Variants in AGBL4 observed in about 807,000 individuals in gnomAD.
The protein encoded by AGBL4 is AGBL carboxypeptidase 4.
A neutral mutation model predicts 66.4 loss-of-function variants in AGBL4; 58 were observed. The observed-to-expected ratio is 0.87, with a 90% confidence interval of 0.71 to 1.09. The LOEUF (loss-of-function observed/expected upper bound fraction) is 1.09. Ranked by LOEUF, AGBL4 falls within the 50% of genes least tolerant of loss-of-function variation. The pLI is 0.00. For missense variants in AGBL4, 579 were observed against 631.0 expected (o/e 0.92, Z 0.88); for synonymous variants, 234 against 222.9 (o/e 1.05, Z -0.44).
intron 3 of AGBL4, among the ~76,000 whole-genome samples, chr1:49,544,235 C>G (rs369016428): frequency 1.3e-5 from 2 of 152,318 alleles, no homozygotes; most frequent in African/African-American, 4.8e-5. Flanking sequence ...GGACTGTCAC[C>G]TGCTAGCAAC....
At chr1:49,948,576 T>TAA (rs1213828658) in intron 1 of AGBL4, among the ~76,000 whole-genome samples, 1 of 124,996 alleles carries the variant, frequency 8.0e-6, no homozygotes, top group Admixed American at 9.1e-5. Context: ...TATATATATA[T>TAA]ATATATAGAG....
At chr1:49,969,796 G>T (rs1192932089) in intron 1 of AGBL4, among the ~76,000 whole-genome samples, 1 of 152,130 alleles carries the variant, frequency 6.6e-6, no homozygotes, top group African/African-American at 2.4e-5. Flanking sequence ...TGACTGTCAT[G>T]AATAATGCTT....
At position 48,736,488 on chromosome 1, in the gene AGBL4, C is replaced by G. The variant is rs145843040; in HGVS notation, c.635-73247G>C. The G allele has an allele frequency of 2.5e-6, 4 of 1,579,052 alleles. No homozygotes were observed. The highest frequency in any genetic ancestry group is 3.5e-6 in the Non-Finnish European group (4 of 1,149,692). ...TAAGAACACCAGCACCTGTTTAGTC[C>G]GACAGGAGGGCAGTGGGAGGCTTCT... On this transcript the variant is annotated intron_variant, in intron 6 of 13. Transcript: ENST00000371839. The surrounding 1 kb of genome is among the most constrained non-coding windows in gnomAD (Gnocchi z 4.0).
chr1:49,552,386 C>A (rs1653034516), intron 3 of AGBL4, among the ~76,000 whole-genome samples: 1 of 152,174 alleles, frequency 6.6e-6, no homozygotes, highest in Non-Finnish European at 1.5e-5. Context: ...TGGTGTTTGC[C>A]CCCCTGCTCC....
At chr1:48,779,893 T>A (rs1645250299) in intron 6 of AGBL4, among the ~76,000 whole-genome samples, 1 of 151,988 alleles carries the variant, frequency 6.6e-6, no homozygotes, top group Admixed American at 6.6e-5. Flanking sequence ...TTTGTATTTT[T>A]AGTAGAGACG....
chr1:49,642,697 G>A (rs1323614593), intron 3 of AGBL4, among the ~76,000 whole-genome samples: 2 of 151,820 alleles, frequency 1.3e-5, no homozygotes, highest in African/African-American at 4.8e-5. Flanking sequence ...AATTCACAGG[G>A]TGTTTGACAA....
intron 6 of AGBL4, among the ~76,000 whole-genome samples, chr1:48,778,377 T>C (rs560815150): frequency 1.3e-5 from 2 of 152,346 alleles, no homozygotes; most frequent in South Asian, 4.1e-4. Flanking sequence ...ATTAGGTAAC[T>C]GTATGAATAA....
chr1:48,940,171 A>T (rs1215040651), intron 5 of AGBL4, among the ~76,000 whole-genome samples: 2 of 152,222 alleles, frequency 1.3e-5, no homozygotes, highest in African/African-American at 4.8e-5. Context: ...CGAGGTCAGG[A>T]GTTCGAAACC....
intron 5 of AGBL4, among the ~76,000 whole-genome samples, chr1:48,867,438 C>T (rs148621405): frequency 5.3e-5 from 8 of 151,116 alleles, no homozygotes; most frequent in Non-Finnish European, 8.8e-5. Flanking sequence ...TCTTTGGAAG[C>T]GTAGGTGGTT....
At chr1:48,761,661 G>C (rs1314586646) in intron 6 of AGBL4, among the ~76,000 whole-genome samples, 1 of 152,212 alleles carries the variant, frequency 6.6e-6, no homozygotes, top group African/African-American at 2.4e-5. Context: ...CTAGGAACAA[G>C]GGTGTTTGCT....
intron 3 of AGBL4, among the ~76,000 whole-genome samples, chr1:49,340,182 T>C (rs898356317): frequency 2.7e-5 from 4 of 146,984 alleles, no homozygotes; most frequent in South Asian, 2.2e-4. Flanking sequence ...ATTCTAAGCC[T>C]GGCTAGAATT....
chr1:49,109,721 T>C (rs1645367876), intron 4 of AGBL4, among the ~76,000 whole-genome samples: 1 of 152,176 alleles, frequency 6.6e-6, no homozygotes. Flanking sequence ...GATTGACTAA[T>C]CTTAATTTAC....
intron 4 of AGBL4, among the ~76,000 whole-genome samples, chr1:49,145,471 T>C (rs1460224835): frequency 6.6e-6 from 1 of 152,240 alleles, no homozygotes; most frequent in Non-Finnish European, 1.5e-5. Context: ...TCAGGTCCCA[T>C]TCCAAGTATT....
At chr1:48,641,526 G>A (rs1645755301) in intron 8 of AGBL4, among the ~76,000 whole-genome samples, 5 of 152,140 alleles carry the variant, frequency 3.3e-5, no homozygotes, top group Non-Finnish European at 7.3e-5. Flanking sequence ...AAGGCAGAAG[G>A]ACTTGGGTTT....
chr1:49,309,444 AT>A (rs1335128128), intron 3 of AGBL4, among the ~76,000 whole-genome samples: 1 of 152,074 alleles, frequency 6.6e-6, no homozygotes, highest in Non-Finnish European at 1.5e-5. Context: ...TAATTATGAT[AT>A]TTTTGATACT....
intron 2 of AGBL4, among the ~76,000 whole-genome samples, chr1:49,739,101 T>C (rs1460268208): frequency 1.3e-5 from 2 of 152,094 alleles, no homozygotes; most frequent in Non-Finnish European, 2.9e-5. Context: ...ACGATCAAAC[T>C]ACTCTGAGCT....
chr1:49,171,186 C>T (rs1646731833), intron 4 of AGBL4, among the ~76,000 whole-genome samples: 1 of 152,168 alleles, frequency 6.6e-6, no homozygotes, highest in Admixed American at 6.5e-5. Flanking sequence ...ACAGTTAATT[C>T]CCTAACCGAT....
At chr1:49,866,999 C>T (rs978307220) in intron 1 of AGBL4, among the ~76,000 whole-genome samples, 1 of 152,048 alleles carries the variant, frequency 6.6e-6, no homozygotes, top group Non-Finnish European at 1.5e-5. Flanking sequence ...GTCTGACTGG[C>T]TTTAATGTTG....
intron 4 of AGBL4, among the ~76,000 whole-genome samples, chr1:49,096,037 C>G (rs1451213480): frequency 6.6e-6 from 1 of 151,722 alleles, no homozygotes; most frequent in Non-Finnish European, 1.5e-5. Context: ...AGGATATGAA[C>G]AGACACTTCT....
Sources: allele counts gnomAD v4.1 joint callset (sites outside exome capture counted in the v4.1 genomes callset), GRCh38; gene constraint gnomAD v4.1.1; non-coding constraint Gnocchi (gnomAD v3.1); transcripts MANE v1.5; gene names NCBI Gene and HGNC (gene_info 2026-07-23, HGNC 2026-07-21).